PPP1R12A: variants seen among roughly 807,000 people sequenced by gnomAD.
PPP1R12A encodes the protein myosin binding subunit.
A neutral mutation model predicts 139.6 loss-of-function variants in PPP1R12A; 19 were observed. The observed-to-expected ratio is 0.14, with a 90% CI of 0.09 to 0.20. The LOEUF (loss-of-function observed/expected upper bound fraction) is 0.20. Among genes scored for constraint, PPP1R12A ranks in the 10% least tolerant of loss-of-function variants. The pLI is 1.00. For synonymous variants in PPP1R12A, 427 were observed against 420.6 expected (o/e 1.02, Z -0.19); for missense variants, 925 against 1,211.5 (o/e 0.76, Z 3.51).
At chr12:79,910,419 T>C (rs550065956) in intron 1 of PPP1R12A, among the ~76,000 whole-genome samples, 85 of 152,090 alleles carry the variant, frequency 5.6e-4, no homozygotes, top group African/African-American at 1.5e-3. Flanking sequence ...GGTGGGAGGT[T>C]GCAGTGAGCC....
intron 22 of PPP1R12A, chr12:79,782,490 C>T: frequency 2.3e-6 from 1 of 433,934 alleles, no homozygotes; most frequent in South Asian, 1.7e-5. Context: ...CCTGTACTAT[C>T]TGACCAGCTC....
At chr12:79,808,851 T>G (rs571579581) in intron 10 of PPP1R12A, among the ~76,000 whole-genome samples, 18 of 152,212 alleles carry the variant, frequency 1.2e-4, no homozygotes, top group African/African-American at 3.8e-4. Context: ...TTTCTAAAAC[T>G]TCTCTAACAG....
intron 14 of PPP1R12A, among the ~76,000 whole-genome samples, chr12:79,799,455 G>A (rs1440820607): frequency 6.6e-6 from 1 of 152,064 alleles, no homozygotes; most frequent in African/African-American, 2.4e-5. Context: ...CGGTCTCCCT[G>A]CATTCTTGTC....
intron 1 of PPP1R12A, among the ~76,000 whole-genome samples, chr12:79,888,648 A>T (rs1884325647): frequency 6.6e-6 from 1 of 152,164 alleles, no homozygotes; most frequent in Non-Finnish European, 1.5e-5. Flanking sequence ...TCCTAAATAA[A>T]CACTAACCCT....
chr12:79,899,636 T>TA lies in PPP1R12A; in HGVS notation c.238-26699dup, dbSNP rs879332917. On this transcript the variant is annotated intron_variant, in intron 1 of 24. Transcript: ENST00000450142. ...CATAGATCATCCACTCCACCACTGA[T>TA]AAACACCTGGGCTATTTCTAGTTTT... is the stretch of plus-strand genomic sequence containing the variant. 1.7e-4 allele frequency among the ~76,000 whole-genome samples: 26 copies of TA among 152,318 alleles called. 1 individual carries two copies. Among genetic ancestry groups the TA allele is most frequent in the Admixed American group, 1.6e-3 (25 of 15,298 alleles).
At chr12:79,783,961 C>T (rs1481251651) in intron 22 of PPP1R12A, among the ~76,000 whole-genome samples, 1 of 152,012 alleles carries the variant, frequency 6.6e-6, no homozygotes, top group Non-Finnish European at 1.5e-5. Flanking sequence ...TTTTTCCCTT[C>T]CTTGGAGATG....
intron 2 of PPP1R12A, among the ~76,000 whole-genome samples, chr12:79,846,521 C>T (rs1026528530): frequency 6.6e-6 from 1 of 152,080 alleles, no homozygotes; most frequent in African/African-American, 2.4e-5. Context: ...GCTCCACCTC[C>T]CAGGTTCATG....
At chr12:79,909,814 T>C (rs762962005) in intron 1 of PPP1R12A, among the ~76,000 whole-genome samples, 13 of 152,158 alleles carry the variant, frequency 8.5e-5, no homozygotes, top group Admixed American at 2.0e-4. Context: ...TTGTTGTTGT[T>C]GACGATGTTT....
intron 14 of PPP1R12A, among the ~76,000 whole-genome samples, chr12:79,803,241 T>G (rs1477312502): frequency 6.6e-6 from 1 of 152,212 alleles, no homozygotes. Context: ...TCAGTTCCTT[T>G]CTCCTCCTTT....
chr12:79,899,241 T>A (rs1328387684), intron 1 of PPP1R12A, among the ~76,000 whole-genome samples: 10 of 830 alleles, frequency 0.012, no homozygotes, highest in African/African-American at 0.041. Context: ...AAAATATATA[T>A]ATATATATAT....
chr12:79,801,975 C>T (rs1045098925), intron 14 of PPP1R12A, among the ~76,000 whole-genome samples: 7 of 152,172 alleles, frequency 4.6e-5, no homozygotes, highest in African/African-American at 1.7e-4. Flanking sequence ...TTAGATATAA[C>T]AGATACTATG....
intron 20 of PPP1R12A, among the ~76,000 whole-genome samples, 151 bp from the exon 21 acceptor site, chr12:79,788,934 T>G (rs1363289076): frequency 6.6e-6 from 1 of 152,090 alleles, no homozygotes; most frequent in East Asian, 1.9e-4. Flanking sequence ...ATATAATAAG[T>G]GGGAAGTTAT....
chr12:79,777,709 T>G (rs540609638), intron 24 of PPP1R12A: 1 of 898,454 alleles, frequency 1.1e-6, no homozygotes, highest in East Asian at 1.2e-4. Context: ...TGGAAAAGAG[T>G]ATAATAAGAA....
chr12:79,801,913 CTTATA>C lies in PPP1R12A; in HGVS notation c.2001-3334_2001-3330del, dbSNP rs138287156. Among the ~76,000 whole-genome samples the C allele has an allele frequency of 7.0e-3, 1,066 of 152,198 alleles. 7 individuals carry two copies. Among genetic ancestry groups the C allele is most frequent in the Non-Finnish European group, 0.01 (698 of 67,994 alleles). On this transcript the variant is annotated intron_variant, in intron 14 of 24. Coordinates refer to ENST00000450142, the MANE Select transcript of PPP1R12A (RefSeq NM_002480.3). ...TTACTTGAATGGGACATCCAACATA[CTTATA>C]TTAAGATGAAAATTCCATCACTATT...
chr12:79,775,992 G>A lies in PPP1R12A; in HGVS notation c.3030C>T (p.Asp1010=), dbSNP rs1016728381. The A allele has an allele frequency of 6.3e-7, 1 of 1,597,348 alleles. No homozygotes were observed. Among genetic ancestry groups the A allele is most frequent in the Admixed American group, 1.7e-5 (1 of 58,222 alleles). The part of the protein sequence containing the change: ...ELKMLPDLKA[D]NQRLKDENGA... ...CATTTTCATCCTTTAGCCTCTGGTTGTCTGCTTTTAGGTCTGGTAACATCT... is the reference window on the plus strand; with the variant it reads ...CATTTTCATCCTTTAGCCTCTGGTTATCTGCTTTTAGGTCTGGTAACATCT... The change falls in exon 25 of 25, where the codon GAC becomes GAT. Residue 1010 remains aspartate, a synonymous_variant. Coordinates refer to ENST00000450142, the MANE Select transcript of PPP1R12A (RefSeq NM_002480.3).
intron 21 of PPP1R12A, chr12:79,787,658 T>A (rs2038645617): frequency 6.6e-6 from 1 of 152,256 alleles, no homozygotes; most frequent in South Asian, 2.1e-4. Flanking sequence ...ATTATAGGCA[T>A]GCGCCACCAC....
chr12:79,826,871 C>T (rs922737331), intron 5 of PPP1R12A, among the ~76,000 whole-genome samples: 4 of 152,094 alleles, frequency 2.6e-5, no homozygotes, highest in African/African-American at 7.2e-5. Flanking sequence ...AGTTCTCATC[C>T]GGAGGCTACT....
intron 3 of PPP1R12A, among the ~76,000 whole-genome samples, chr12:79,842,990 A>G (rs1300343788): frequency 6.6e-6 from 1 of 151,742 alleles, no homozygotes; most frequent in Non-Finnish European, 1.5e-5. Flanking sequence ...CCATCATTCT[A>G]TTTTCTCTAT....
At chr12:79,792,841 A>T (rs1301828392) in intron 19 of PPP1R12A, among the ~76,000 whole-genome samples, 1 of 152,156 alleles carries the variant, frequency 6.6e-6, no homozygotes, top group Non-Finnish European at 1.5e-5. Flanking sequence ...GATAACCAAA[A>T]AATTTAGGTA....
Sources: gnomAD v4.1 joint callset for allele counts (sites outside exome capture counted in the v4.1 genomes callset) on GRCh38, gnomAD v4.1.1 for gene constraint, MANE v1.5 for transcripts, NCBI Gene and HGNC (gene_info 2026-07-23, HGNC 2026-07-21) for gene names.